TMEM61: variants seen among roughly 807,000 people sequenced by gnomAD.
TMEM61 encodes the protein transmembrane protein 61.
In TMEM61, 13 loss-of-function variants were observed where a neutral mutation model predicts 12.0. The observed-to-expected ratio is 1.08, with a 90% CI of 0.70 to 1.72. The LOEUF (loss-of-function observed/expected upper bound fraction) is 1.72. Among genes scored for constraint, TMEM61 ranks in the 40% most tolerant of loss-of-function variants. The pLI, the probability that TMEM61 is intolerant of heterozygous loss-of-function variation, is 0.00. For missense variants in TMEM61, 249 were observed against 276.9 expected (o/e 0.90, Z 0.71); for synonymous variants, 109 against 121.4 (o/e 0.90, Z 0.67).
Position 54,991,903 on chromosome 1 carries a change from CCA to C in TMEM61, c.434_435del (p.Pro145HisfsTer33), listed in dbSNP as rs1157402315. 1 of 1,614,040 alleles carries C rather than the reference CCA, an allele frequency of 6.2e-7. No individual in the cohort carries two copies. ...AVSFPVAEGP[P>X]TPPAYPTEEA... ...GAGCTTCCCAGTGGCCGAGGGGCCC[CCA>C]ACACCACCTGCATACCCTACGGAGG... On this transcript the variant is annotated frameshift_variant, in exon 3 of 3. Transcript: ENST00000371268. LOFTEE classifies it low-confidence loss of function (END_TRUNC).
Position 54,991,997 on chromosome 1 carries a change from G to A in TMEM61, c.527G>A (p.Ser176Asn), listed in dbSNP as rs1557478317. 1 of 1,614,162 alleles carries A rather than the reference G, an allele frequency of 6.2e-7. No individual in the cohort carries two copies. Among genetic ancestry groups the A allele is most frequent in the Admixed American group, 1.7e-5 (1 of 60,026 alleles). The change falls in exon 3 of 3, where the codon AGC (serine) becomes AAC (asparagine). Residue 176 changes from serine to asparagine, a missense_variant. Transcript: ENST00000371268. ...ACCCAGCCCGCCTGGCCTCCACCCAGCTATGAGAGCATCAGCCTTGCTCTT... is the reference window on the plus strand; with the variant it reads ...ACCCAGCCCGCCTGGCCTCCACCCAACTATGAGAGCATCAGCCTTGCTCTT... ...LSTQPAWPPP[S>N]YESISLALDA...
At chr1:54,987,118 G>A (rs2101635684) in intron 2 of TMEM61, among the ~76,000 whole-genome samples, 1 of 152,316 alleles carries the variant, frequency 6.6e-6, no homozygotes, top group South Asian at 2.1e-4. Flanking sequence ...TCAGAACCAG[G>A]ACTTGAACCC....
chr1:54,985,749 A>G (rs1278403197), intron 1 of TMEM61, among the ~76,000 whole-genome samples: 1 of 122,798 alleles, frequency 8.1e-6, no homozygotes, highest in East Asian at 2.2e-4. Context: ...AACATGCGTT[A>G]CTTTTCTCTG....
rs1262845328 is a variant in TMEM61 at position 54,986,315 on chromosome 1, C to T, written c.234C>T (p.Gly78=). ...GCTTCGTCTGCTGCGGTGCAGGTGG[C>T]CTGCTGCTGCTCATTGGCCTGCTGT... ...SVSFVCCGAG[G]LLLLIGLLWS... The change falls in exon 2 of 3, where the codon GGC becomes GGT. Residue 78 remains glycine, a synonymous_variant. Coordinates refer to ENST00000371268, the MANE Select transcript of TMEM61 (RefSeq NM_182532.3). 6.2e-7 allele frequency: 1 copy of T among 1,614,040 alleles called. No individual in the cohort carries two copies. Among genetic ancestry groups the T allele is most frequent in the East Asian group, 2.2e-5 (1 of 44,886 alleles).
At chr1:54,988,670 C>T (rs1403051801) in intron 2 of TMEM61, among the ~76,000 whole-genome samples, 1 of 152,202 alleles carries the variant, frequency 6.6e-6, no homozygotes, top group African/African-American at 2.4e-5. Flanking sequence ...GGTCCCTTCC[C>T]CTCTTGGCCT....
intron 1 of TMEM61, among the ~76,000 whole-genome samples, chr1:54,985,122 G>T (rs1384790704): frequency 6.6e-6 from 1 of 152,140 alleles, no homozygotes; most frequent in African/African-American, 2.4e-5. Flanking sequence ...TCATTCTAGA[G>T]ATTATGCCAT....
chr1:54,984,190 A>G (rs1035818), intron 1 of TMEM61, among the ~76,000 whole-genome samples: 110,605 of 152,138 alleles, frequency 0.73, 41,064 homozygotes, highest in Non-Finnish European at 0.8. Flanking sequence ...GAGCAGCCGC[A>G]CAGCAGTATG....
Position 54,986,159 on chromosome 1 carries a change from G to C in TMEM61, c.78G>C (p.Val26=). ...LRYCMTVSGT[V]VLVAGTLCFA... ...ATTGCATGACAGTCAGCGGCACAGTGGTTCTGGTGGCCGGGACGCTCTGCT... is the reference window on the plus strand; with the variant it reads ...ATTGCATGACAGTCAGCGGCACAGTCGTTCTGGTGGCCGGGACGCTCTGCT... The change falls in exon 2 of 3, where the codon GTG becomes GTC. Residue 26 remains valine, a synonymous_variant. Transcript: ENST00000371268. 6.2e-7 allele frequency: 1 copy of C among 1,612,832 alleles called. No individual in the cohort carries two copies. Among genetic ancestry groups the C allele is most frequent in the Non-Finnish European group, 8.5e-7 (1 of 1,179,222 alleles).
At chr1:54,982,593 G>A (rs1260564291) in intron 1 of TMEM61, among the ~76,000 whole-genome samples, 4 of 152,192 alleles carry the variant, frequency 2.6e-5, no homozygotes, top group African/African-American at 7.2e-5. Context: ...GTGAGAACAC[G>A]CAAAGGGCAG....
intron 1 of TMEM61, among the ~76,000 whole-genome samples, chr1:54,983,026 G>A (rs1480255234): frequency 6.6e-6 from 1 of 152,004 alleles, no homozygotes. Context: ...TGCAGGACAA[G>A]GGGGCAATGA....
At chr1:54,983,223 C>T (rs1482135599) in intron 1 of TMEM61, among the ~76,000 whole-genome samples, 5 of 146,738 alleles carry the variant, frequency 3.4e-5, no homozygotes, top group Non-Finnish European at 5.9e-5. Flanking sequence ...AAGTGATTCT[C>T]GTGCCTCAGC....
At chr1:54,987,015 G>A (rs1644265840) in intron 2 of TMEM61, among the ~76,000 whole-genome samples, 1 of 152,202 alleles carries the variant, frequency 6.6e-6, no homozygotes, top group Admixed American at 6.5e-5. Flanking sequence ...GCAGCCCTCT[G>A]AAGTAGCTAC....
At chr1:54,982,436 A>G (rs1644229276) in intron 1 of TMEM61, among the ~76,000 whole-genome samples, 1 of 152,172 alleles carries the variant, frequency 6.6e-6, no homozygotes, top group Non-Finnish European at 1.5e-5. Context: ...CCACTGCACA[A>G]TGGAACAGGC....
At chr1:54,990,837 A>C (rs914783536) in intron 2 of TMEM61, among the ~76,000 whole-genome samples, 2 of 151,964 alleles carry the variant, frequency 1.3e-5, no homozygotes, top group African/African-American at 4.8e-5. Flanking sequence ...ACCATCCCCC[A>C]TTTTACAGAT....
intron 2 of TMEM61, among the ~76,000 whole-genome samples, chr1:54,988,706 TACTC>T (rs1442494404): frequency 2.6e-5 from 4 of 152,238 alleles, no homozygotes; most frequent in Non-Finnish European, 5.9e-5. Flanking sequence ...TTCATCTACT[TACTC>T]TTTCATGCAT....
chr1:54,986,485 G>T (rs761334255), intron 2 of TMEM61, 39 bp downstream of exon 2: 5 of 1,488,740 alleles, frequency 3.4e-6, no homozygotes, highest in Non-Finnish European at 4.5e-6. Flanking sequence ...GGGGACTGCA[G>T]GTAGGGGCCC....
chr1:54,982,202 G>A (rs1240008299), intron 1 of TMEM61, among the ~76,000 whole-genome samples: 1 of 152,192 alleles, frequency 6.6e-6, no homozygotes, highest in African/African-American at 2.4e-5. Flanking sequence ...GGTGATCAAT[G>A]GATGCATCTG....
In TMEM61 at chr1:54,992,204, T is replaced by C. The variant is rs1022852203; in HGVS notation, c.*101T>C. 24 of 1,376,350 alleles carry C rather than the reference T, an allele frequency of 1.7e-5. No homozygotes were observed. Among genetic ancestry groups the C allele is most frequent in the Non-Finnish European group, 2.2e-5 (22 of 1,014,294 alleles). 85.3% of individuals were successfully genotyped at this position (1,376,350 alleles called of 1,614,324 possible). Reference sequence around the variant, plus strand: ...CAGTAGGCACTCAGCAAACGTTCGTTGTTGAAGGCTGTTCTATTTATCTAT... The same window carrying C: ...CAGTAGGCACTCAGCAAACGTTCGTCGTTGAAGGCTGTTCTATTTATCTAT... On this transcript the variant is annotated 3_prime_UTR_variant, in exon 3 of 3. Coordinates refer to ENST00000371268, the MANE Select transcript of TMEM61 (RefSeq NM_182532.3).
chr1:54,985,951 A>T, intron 1 of TMEM61, 146 bp from the exon 2 acceptor site: 1 of 665,250 alleles, frequency 1.5e-6, no homozygotes, highest in Non-Finnish European at 2.4e-6. Flanking sequence ...CATCATCTCC[A>T]CTTCACAGAT....
Sources: gnomAD v4.1 joint callset for allele counts (sites outside exome capture counted in the v4.1 genomes callset) on GRCh38, gnomAD v4.1.1 for gene constraint, MANE v1.5 for transcripts, NCBI Gene and HGNC (gene_info 2026-07-23, HGNC 2026-07-21) for gene names.